ZNF335: variants seen among roughly 807,000 people sequenced by gnomAD.
ZNF335 encodes the protein NRC-interacting factor 1.
In ZNF335, 84 loss-of-function variants were observed where a neutral mutation model predicts 145.6. That is an observed-to-expected ratio of 0.58 (90% confidence interval 0.48 to 0.69). The LOEUF (loss-of-function observed/expected upper bound fraction) is 0.69, where lower values mean the gene tolerates loss of function less well. ZNF335 is among the 30% of genes least tolerant of loss of function. ZNF335 has a pLI of 0.00. For missense variants in ZNF335, 1,865 were observed against 1,809.7 expected, an observed-to-expected ratio of 1.03 and a Z score of -0.55; for synonymous variants, 761 against 717.0, an observed-to-expected ratio of 1.06 and a Z score of -0.98.
At chr20:45,953,057 G>C (rs926982734) in intron 18 of ZNF335, among the ~76,000 whole-genome samples, 4 of 152,240 alleles carry the variant, frequency 2.6e-5, no homozygotes, top group Non-Finnish European at 5.9e-5. Context: ...ACGAGGACCT[G>C]CTGCCTAAGA....
chr20:45,951,484 T>TGGGAG (rs1042932009), intron 20 of ZNF335, among the ~76,000 whole-genome samples: 15 of 152,242 alleles, frequency 9.9e-5, no homozygotes, highest in Non-Finnish European at 2.1e-4. Context: ...ACTGGTTTTA[T>TGGGAG]GGGAGATAAC....
At chr20:45,969,260 C>T (rs961731642) in intron 3 of ZNF335, among the ~76,000 whole-genome samples, 191 bp downstream of exon 3, 10 of 152,202 alleles carry the variant, frequency 6.6e-5, no homozygotes, top group African/African-American at 2.2e-4. Flanking sequence ...TCATGCCAGG[C>T]GCTAGGCTGA....
At chr20:45,949,727 T>C (rs1379160345) in intron 24 of ZNF335, 73 bp downstream of exon 24, 39 of 1,562,132 alleles carry the variant, frequency 2.5e-5, no homozygotes, top group Non-Finnish European at 3.4e-5. Context: ...GAAAGTATCA[T>C]TCCTCCCCAA....
rs755393287 is a variant in ZNF335, at chr20:45,950,064, G to A, written c.3493C>T (p.Leu1165Phe). The A allele has an allele frequency of 1.1e-5, 17 of 1,613,582 alleles. No individual in the cohort carries two copies. The highest frequency in any genetic ancestry group is 5.0e-5 in the Admixed American group (3 of 59,938). The change falls in exon 23 of 28, where the codon CTC becomes TTC. Residue 1165 changes from leucine to phenylalanine, a missense_variant. Physicochemically the swap from Leu to Phe is conservative, Grantham distance 22. Transcript: ENST00000322927. ...DETLATLHTA[L>F]QSSHGVLGPE... ...CCCAGGACCCCGTGACTGGACTGGA[G>A]TGCAGCTGGGCAGAGAGGAGAGGAT...
intron 7 of ZNF335, chr20:45,964,538 T>A (rs140949574): frequency 1.3e-5 from 2 of 152,836 alleles, no homozygotes; most frequent in Admixed American, 1.3e-4. Flanking sequence ...TTCAAAAACA[T>A]TGACAGTATT....
rs1013930904 is a variant in ZNF335 at position 45,963,862 on chromosome 20, C to T, written c.1231G>A (p.Val411Met). The change falls in exon 8 of 28, where the codon GTG becomes ATG. Residue 411 changes from valine (V) to methionine (M), a missense_variant. Physicochemically the swap from Val to Met is conservative, Grantham distance 21 (BLOSUM62 1). Coordinates refer to ENST00000322927, the MANE Select transcript of ZNF335 (RefSeq NM_022095.4). ...VAMGKVSRTP[V>M]EAGVSQSDAE... ...TCTGACTGGCTCACACCAGCTTCCA[C>T]AGGGGTCCTGCTCACCTTGCCCATG... The T allele has an allele frequency of 1.2e-6, 2 of 1,611,324 alleles. No individual in the cohort carries two copies. Among genetic ancestry groups the T allele is most frequent in the African/African-American group, 2.7e-5 (2 of 74,924 alleles).
At chr20:45,955,471 T>C (rs578153007) in intron 17 of ZNF335, among the ~76,000 whole-genome samples, 21 of 151,508 alleles carry the variant, frequency 1.4e-4, no homozygotes, top group Admixed American at 4.6e-4. Flanking sequence ...ACAAGGCTTC[T>C]CACCATACCC....
intron 2 of ZNF335, chr20:45,970,109 C>A (rs57644161): frequency 0.029 from 4,682 of 161,832 alleles, 239 homozygotes; most frequent in East Asian, 0.22. Flanking sequence ...GTCAGGACTT[C>A]TTCATCCTCA....
chr20:45,949,008 T>G lies in ZNF335; in HGVS notation c.3974A>C (p.Gln1325Pro). ...GTDETVPEHI[Q>P]QLQHQGIEYD... is the part of the protein sequence containing the mutation. The stretch of plus-strand genomic sequence containing the variant: ...CTCGATGCCCTGGTGCTGCAGCTGT[T>G]GAATGTGTTCGGGCACTGTCTCGTC... Residue 1325 changes from glutamine to proline, a missense_variant, in exon 28 of 28, where the codon CAA (glutamine) becomes CCA (proline). By Grantham distance (76) the Gln-to-Pro change is moderately conservative. Transcript: ENST00000322927. 1 of 1,613,906 alleles carries G rather than the reference T, an allele frequency of 6.2e-7. No individual in the cohort carries two copies. Among genetic ancestry groups the G allele is most frequent in the Non-Finnish European group, 8.5e-7 (1 of 1,180,016 alleles).
intron 1 of ZNF335, 43 bp from the exon 2 acceptor site, chr20:45,971,503 C>T: frequency 5.2e-6 from 8 of 1,535,554 alleles, no homozygotes; most frequent in Non-Finnish European, 7.0e-6. Flanking sequence ...TGGGCCATCT[C>T]CCCAGCCCCG....
At chr20:45,968,123 G>C in intron 4 of ZNF335, 96 bp from the exon 5 acceptor site, 1 of 1,553,066 alleles carries the variant, frequency 6.4e-7, no homozygotes, top group Non-Finnish European at 8.8e-7. Flanking sequence ...AGGGAGTGCA[G>C]AACCAAATTC....
In ZNF335 at chr20:45,968,274, T is replaced by C; in HGVS notation, c.520+11A>G. On this transcript the variant is annotated intron_variant, in intron 4 of 27. Transcript: ENST00000322927. ...TGCAGGCCTCCCCGATTCTGGCACC[T>C]GGGGTCTTACCATCATCTGGGCCCT... 1.2e-6 allele frequency: 2 copies of C among 1,611,580 alleles called. No homozygotes were observed. Among genetic ancestry groups the C allele is most frequent in the South Asian group, 2.2e-5 (2 of 91,042 alleles).
At chr20:45,957,450 T>C in intron 17 of ZNF335, 136 bp downstream of exon 17, 1 of 782,158 alleles carries the variant, frequency 1.3e-6, no homozygotes, top group African/African-American at 1.7e-5. Context: ...CTTCAGCAGA[T>C]CTGTCTCCTC....
In ZNF335 at chr20:45,957,920, T is replaced by C. The variant is rs747673193; in HGVS notation, c.2262A>G (p.Pro754=). 1.9e-5 allele frequency: 30 copies of C among 1,613,922 alleles called. No individual in the cohort carries two copies. The East Asian group carries it at 5.3e-4, about 29-fold the overall frequency. Residue 754 remains proline (P), a synonymous_variant, in exon 16 of 28, where the codon CCA becomes CCG. Coordinates refer to ENST00000322927, the MANE Select transcript of ZNF335 (RefSeq NM_022095.4). ...CAGATGACTGGAAAGTTGTCGCCTC[T>C]GGGGGTATCTATGGGGTGGAGATAT... ...PSSPGPPEIP[P]EATTFQSSEA...
intron 9 of ZNF335, among the ~76,000 whole-genome samples, chr20:45,962,543 A>G (rs777142137): frequency 2.6e-5 from 4 of 152,156 alleles, no homozygotes; most frequent in African/African-American, 7.2e-5. Context: ...CAGAACCCAC[A>G]TAACAGCCCA....
Position 45,950,326 on chromosome 20 carries a change from CTG to C in ZNF335, c.3378_3379del (p.His1126GlnfsTer3), listed in dbSNP as rs1442253696. 9.5e-6 allele frequency: 15 copies of C among 1,579,846 alleles called. No individual in the cohort carries two copies. The highest frequency in any genetic ancestry group is 1.2e-5 in the Non-Finnish European group (14 of 1,160,886). On this transcript the variant is annotated frameshift_variant, in exon 22 of 28. Coordinates refer to ENST00000322927, the MANE Select transcript of ZNF335 (RefSeq NM_022095.4). LOFTEE classifies it high-confidence loss of function. ...GGTTCCTGACTTCCTCCCATCAGGA[CTG>C]TGCAGCCGCTGGATGTGGAACTTGA... is the stretch of plus-strand genomic sequence containing the variant.
intron 9 of ZNF335, 112 bp from the exon 10 acceptor site, chr20:45,962,294 A>G: frequency 1.2e-6 from 1 of 834,734 alleles, no homozygotes; most frequent in Non-Finnish European, 2.0e-6. Flanking sequence ...AGCTCACAGA[A>G]CACAGGCATG....
intron 9 of ZNF335, among the ~76,000 whole-genome samples, chr20:45,962,956 G>A (rs557219347): frequency 1.8e-4 from 28 of 152,040 alleles, no homozygotes; most frequent in Admixed American, 3.9e-4. Flanking sequence ...TGGGATTACA[G>A]GCATGCACCA....
chr20:45,963,297 C>A (rs2083885345), intron 9 of ZNF335, among the ~76,000 whole-genome samples, 176 bp downstream of exon 9: 1 of 152,228 alleles, frequency 6.6e-6, no homozygotes, highest in Non-Finnish European at 1.5e-5. Flanking sequence ...TTCCCGCAAG[C>A]TCTGAGGAGC....
Sources: allele counts gnomAD v4.1 joint callset (sites outside exome capture counted in the v4.1 genomes callset), GRCh38; gene constraint gnomAD v4.1.1; transcripts MANE v1.5; gene names NCBI Gene and HGNC (gene_info 2026-07-23, HGNC 2026-07-21).